Variants in SEMA6D observed in about 807,000 individuals in gnomAD.
The protein encoded by SEMA6D is semaphorin 6D.
A neutral mutation model predicts 106.6 loss-of-function variants in SEMA6D; 35 were observed. That is an observed-to-expected ratio of 0.33 (90% CI 0.25 to 0.44). The LOEUF is 0.44. Ranked by LOEUF, SEMA6D falls within the 20% of genes least tolerant of loss-of-function variation. The pLI, the probability that SEMA6D is intolerant of heterozygous loss-of-function variation, is 1.00. For synonymous variants in SEMA6D, 499 were observed against 487.7 expected (o/e 1.02, Z -0.31); for missense variants, 1,185 against 1,345.9 (o/e 0.88, Z 1.87).
intron 3 of SEMA6D, among the ~76,000 whole-genome samples, chr15:47,529,868 G>C (rs1202538872): frequency 1.3e-5 from 2 of 152,136 alleles, no homozygotes; most frequent in African/African-American, 4.8e-5. Context: ...GCCATTTGCT[G>C]CCAGTTTGAA....
chr15:47,760,147 T>C (rs1010605540), intron 2 of SEMA6D, among the ~76,000 whole-genome samples, 157 bp from the exon 3 acceptor site: 3 of 152,224 alleles, frequency 2.0e-5, no homozygotes, highest in African/African-American at 7.2e-5. Flanking sequence ...GACCATTTGC[T>C]GACATTCACT....
intron 2 of SEMA6D, among the ~76,000 whole-genome samples, chr15:47,426,152 G>T (rs1595966424): frequency 2.0e-5 from 3 of 151,954 alleles, no homozygotes; most frequent in Non-Finnish European, 4.4e-5. Context: ...TATTACTTAG[G>T]ATCTTAGTGC....
At chr15:47,669,421 T>C (rs1041582758) in intron 4 of SEMA6D, among the ~76,000 whole-genome samples, 5 of 152,224 alleles carry the variant, frequency 3.3e-5, no homozygotes, top group Admixed American at 6.5e-5. Flanking sequence ...GCATATGGTG[T>C]GTGTTTAACT....
chr15:47,727,241 A>G (rs1048076950), intron 1 of SEMA6D, among the ~76,000 whole-genome samples: 4 of 152,276 alleles, frequency 2.6e-5, no homozygotes, highest in African/African-American at 9.6e-5. Flanking sequence ...TGGTCTTCAG[A>G]CTTTAAATTT....
intron 1 of SEMA6D, among the ~76,000 whole-genome samples, chr15:47,314,323 G>GCGC (rs1475531162): frequency 6.6e-5 from 10 of 152,004 alleles, no homozygotes; most frequent in African/African-American, 2.2e-4. Flanking sequence ...TGTAGACCGG[G>GCGC]CGCGGTGGCT....
chr15:47,418,513 G>A (rs1389673209), intron 2 of SEMA6D, among the ~76,000 whole-genome samples: 4 of 152,040 alleles, frequency 2.6e-5, no homozygotes, highest in Non-Finnish European at 4.4e-5. Flanking sequence ...TGAGAGAGGC[G>A]GTAAAGCTCT....
chr15:47,359,550 A>G (rs959497411), intron 1 of SEMA6D: 7 of 152,330 alleles, frequency 4.6e-5, no homozygotes, highest in East Asian at 1.9e-4. Context: ...TTCTGAGACC[A>G]AGATTCTACG....
rs374271506 is a variant in SEMA6D at position 47,552,891 on chromosome 15, AATATATATATATAT to A, written c.-86-47972_-86-47959del. On this transcript the variant is annotated intron_variant, in intron 3 of 19. Transcript: ENST00000558014. The stretch of plus-strand genomic sequence containing the variant: ...TTTTATATATATATAAATATATATA[AATATATATATATAT>A]AAATATATATATATTTGAGATGGAG... 9.2e-3 allele frequency among the ~76,000 whole-genome samples: 324 copies of A among 35,264 alleles called. 6 individuals carry two copies. Among genetic ancestry groups the A allele is most frequent in the Admixed American group, 0.016 (29 of 1,798 alleles). 23.1% of individuals were successfully genotyped at this position (35,264 alleles called of 152,430 possible).
At chr15:47,235,528 T>C (rs1284930360) in intron 1 of SEMA6D, among the ~76,000 whole-genome samples, 1 of 152,122 alleles carries the variant, frequency 6.6e-6, no homozygotes, top group Non-Finnish European at 1.5e-5. Context: ...GTTTCATTCT[T>C]CTACATGTGG....
chr15:47,358,931 C>A (rs1228356195), intron 1 of SEMA6D, among the ~76,000 whole-genome samples: 1 of 152,152 alleles, frequency 6.6e-6, no homozygotes, highest in Non-Finnish European at 1.5e-5. Flanking sequence ...GAACTGTGGG[C>A]CTTCCAGGGA....
At chr15:47,213,919 A>G (rs2030308798) in intron 1 of SEMA6D, among the ~76,000 whole-genome samples, 1 of 151,826 alleles carries the variant, frequency 6.6e-6, no homozygotes, top group African/African-American at 2.4e-5. Context: ...GACCACTGAG[A>G]TAATAATGGT....
chr15:47,616,588 A>AAT (rs2077011192), intron 4 of SEMA6D, among the ~76,000 whole-genome samples: 1 of 151,712 alleles, frequency 6.6e-6, no homozygotes, highest in African/African-American at 2.4e-5. Context: ...AGGAAAAAAA[A>AAT]AAAAAAAGAT....
chr15:47,293,164 G>A (rs1378014903), intron 1 of SEMA6D, among the ~76,000 whole-genome samples: 1 of 152,162 alleles, frequency 6.6e-6, no homozygotes, highest in Non-Finnish European at 1.5e-5. Context: ...CAGAGGAGAT[G>A]CCTTGCGGCC....
Position 47,552,843 on chromosome 15 carries a change from A to AAT in SEMA6D, c.-86-48014_-86-48013dup, listed in dbSNP as rs1249472818. 5.1e-5 allele frequency among the ~76,000 whole-genome samples: 4 copies of AAT among 79,102 alleles called. No individual in the cohort carries two copies. In the Admixed American group the frequency reaches 5.7e-4, roughly 11 times the overall value. The allele number at this position is 79,102 out of a possible 152,430, so 51.9% of individuals were successfully genotyped here. A position where few individuals can be genotyped will look rare whatever the true frequency, so the allele number is the denominator to read the frequency against. On this transcript the variant is annotated intron_variant, in intron 3 of 19. Transcript: ENST00000558014. ...ATATATATATTTTTATATATATATA[A>AAT]ATATATATAAATATATATATATTTT...
intron 4 of SEMA6D, among the ~76,000 whole-genome samples, chr15:47,657,724 T>TA: frequency 1.0e-4 from 3 of 29,774 alleles, no homozygotes; most frequent in Non-Finnish European, 2.1e-4. Flanking sequence ...CATTTCTTTT[T>TA]TTTTTTTTTT....
At chr15:47,726,024 T>G (rs1011758695) in intron 1 of SEMA6D, among the ~76,000 whole-genome samples, 4 of 152,222 alleles carry the variant, frequency 2.6e-5, no homozygotes, top group African/African-American at 9.7e-5. Context: ...TTCAGGAATA[T>G]TCGAGTGACA....
chr15:47,294,214 G>A (rs879600772), intron 1 of SEMA6D, among the ~76,000 whole-genome samples: 1 of 151,776 alleles, frequency 6.6e-6, no homozygotes, highest in Non-Finnish European at 1.5e-5. Context: ...TTGTGACAAT[G>A]CTAGTTTATT....
intron 1 of SEMA6D, among the ~76,000 whole-genome samples, chr15:47,377,636 G>T (rs997187024): frequency 6.6e-6 from 1 of 152,212 alleles, no homozygotes; most frequent in African/African-American, 2.4e-5. Flanking sequence ...CCATCCTGTG[G>T]AGTCAATTTT....
chr15:47,447,073 T>G (rs1188765608), intron 2 of SEMA6D, among the ~76,000 whole-genome samples: 1 of 152,116 alleles, frequency 6.6e-6, no homozygotes, highest in South Asian at 2.1e-4. Flanking sequence ...ATATCCATGC[T>G]GAAGGGCATT....
Sources: gnomAD v4.1 joint callset for allele counts (sites outside exome capture counted in the v4.1 genomes callset) on GRCh38, gnomAD v4.1.1 for gene constraint, MANE v1.5 for transcripts, NCBI Gene and HGNC (gene_info 2026-07-23, HGNC 2026-07-21) for gene names.